The following KAZN variants were observed in gnomAD, a reference collection of about 807,000 sequenced individuals.
KAZN encodes kazrin, periplakin interacting protein.
In KAZN, 40 loss-of-function variants were observed where a neutral mutation model predicts 87.4. The observed-to-expected ratio is 0.46, with a 90% CI of 0.36 to 0.60. The LOEUF (loss-of-function observed/expected upper bound fraction) is 0.60, where lower values mean the gene tolerates loss of function less well. KAZN is among the 20% of genes least tolerant of loss of function. The pLI, the probability that KAZN is intolerant of heterozygous loss-of-function variation, is 0.00. For missense variants in KAZN, 898 were observed against 1,073.9 expected, an observed-to-expected ratio of 0.84 and a Z score of 2.29; for synonymous variants, 466 against 458.3, an observed-to-expected ratio of 1.02 and a Z score of -0.22.
At chr1:15,024,063 G>C (rs1670945342) in intron 2 of KAZN, among the ~76,000 whole-genome samples, 1 of 152,052 alleles carries the variant, frequency 6.6e-6, no homozygotes, top group Non-Finnish European at 1.5e-5. Flanking sequence ...GCTTTTAGAG[G>C]TTCAAGCAGA....
rs1033949300 is a variant in KAZN at position 14,732,974 on chromosome 1, A to G, written c.226+133751A>G. Among the ~76,000 whole-genome samples the G allele has an allele frequency of 3.9e-5, 6 of 152,136 alleles. 1 individual carries two copies. Among genetic ancestry groups the G allele is most frequent in the South Asian group, 2.1e-4 (1 of 4,824 alleles). ...GAAGCACATCTTCCCTCCTTCCCCT[A>G]TGTTCACGGAGCAAGCAGAAGAGTT... On this transcript the variant is annotated intron_variant, in intron 1 of 14. Coordinates refer to ENST00000376030, the MANE Select transcript of KAZN (RefSeq NM_201628.3).
intron 2 of KAZN, among the ~76,000 whole-genome samples, chr1:14,385,008 T>A (rs1002990844): frequency 1.3e-5 from 2 of 151,382 alleles, no homozygotes; most frequent in Non-Finnish European, 2.9e-5. Context: ...GTTATTGGTC[T>A]ATTCAGAGAT....
intron 2 of KAZN, among the ~76,000 whole-genome samples, chr1:14,472,873 A>G (rs1268532517): frequency 1.3e-5 from 2 of 152,148 alleles, no homozygotes; most frequent in Non-Finnish European, 2.9e-5. Flanking sequence ...AAGAGATACA[A>G]AGTCGATTAG....
intron 2 of KAZN, among the ~76,000 whole-genome samples, chr1:14,278,951 G>T (rs1390678166): frequency 4.2e-5 from 1 of 23,530 alleles, no homozygotes; most frequent in Non-Finnish European, 6.9e-5. Context: ...TTTTTTTTTG[G>T]CAGGCAAGAC....
chr1:14,718,136 A>G (rs1642899483), intron 1 of KAZN, among the ~76,000 whole-genome samples: 1 of 152,226 alleles, frequency 6.6e-6, no homozygotes, highest in African/African-American at 2.4e-5. Flanking sequence ...ATTCCTGTCC[A>G]GTCGCATTTT....
At chr1:13,913,948 G>C (rs1343700051) in intron 1 of KAZN, among the ~76,000 whole-genome samples, 1 of 152,222 alleles carries the variant, frequency 6.6e-6, no homozygotes, top group African/African-American at 2.4e-5. Context: ...CTGGGAACTT[G>C]TTAGAAAGGC....
At chr1:13,942,884 C>T (rs1640992714) in intron 1 of KAZN, among the ~76,000 whole-genome samples, 1 of 152,044 alleles carries the variant, frequency 6.6e-6, no homozygotes, top group Non-Finnish European at 1.5e-5. Context: ...ACAGATTAGA[C>T]ACAACAGCAA....
chr1:15,010,630 G>A lies in KAZN; in HGVS notation c.419-24119G>A, dbSNP rs191856566. On this transcript the variant is annotated intron_variant, in intron 2 of 14. Transcript: ENST00000376030. ...GATGGTCTCAATCGCCTGACCTCGT[G>A]ATCACCCACCTTGGCCTCCCAAAGT... 3.5e-3 allele frequency among the ~76,000 whole-genome samples: 537 copies of A among 152,196 alleles called. 1 individual carries two copies. The highest frequency in any genetic ancestry group is 0.012 in the African/African-American group (516 of 41,516).
At chr1:14,655,467 C>T (rs149003629) in intron 1 of KAZN, among the ~76,000 whole-genome samples, 7 of 152,234 alleles carry the variant, frequency 4.6e-5, no homozygotes, top group Admixed American at 3.9e-4. Flanking sequence ...GGTGGGTCTC[C>T]GGGTCATTAC....
intron 2 of KAZN, among the ~76,000 whole-genome samples, chr1:14,436,916 C>T (rs1196051103): frequency 6.6e-6 from 1 of 152,158 alleles, no homozygotes; most frequent in African/African-American, 2.4e-5. Flanking sequence ...ACTTTGCATG[C>T]ACCTCTCCAG....
At chr1:14,537,665 T>G (rs1364030461) in intron 2 of KAZN, among the ~76,000 whole-genome samples, 5 of 152,198 alleles carry the variant, frequency 3.3e-5, no homozygotes, top group Admixed American at 2.6e-4. Flanking sequence ...CTCGCCAGGT[T>G]GGTGGGAAGA....
At chr1:14,586,769 G>T (rs1675877798) in intron 2 of KAZN, among the ~76,000 whole-genome samples, 1 of 151,924 alleles carries the variant, frequency 6.6e-6, no homozygotes, top group Non-Finnish European at 1.5e-5. Flanking sequence ...CAAACTCTCG[G>T]GCTCAAGTGA....
intron 1 of KAZN, among the ~76,000 whole-genome samples, chr1:13,995,220 A>G (rs1449506480): frequency 1.6e-5 from 1 of 63,332 alleles, no homozygotes; most frequent in Admixed American, 1.3e-4. Flanking sequence ...GCAATAAGGC[A>G]AAAAAAAAAA....
intron 1 of KAZN, among the ~76,000 whole-genome samples, chr1:14,685,329 G>T (rs745351293): frequency 6.6e-6 from 1 of 152,206 alleles, no homozygotes; most frequent in African/African-American, 2.4e-5. Flanking sequence ...CCCATCAGTC[G>T]TTGGTATGGG....
In KAZN at chr1:13,987,413, C is replaced by A. The variant is rs191059091; in HGVS notation, c.91+93657C>A. Among the ~76,000 whole-genome samples the A allele has an allele frequency of 6.0e-4, 92 of 152,322 alleles. 1 individual carries two copies. The highest frequency in any genetic ancestry group is 2.1e-3 in the African/African-American group (89 of 41,564). Reference sequence around the variant, plus strand: ...TTCAACTCCTACTTATGAGTGACAACATGTGGTGTTTGGTTTTCTGTTCTG... The same window carrying A: ...TTCAACTCCTACTTATGAGTGACAAAATGTGGTGTTTGGTTTTCTGTTCTG... On this transcript the variant is annotated intron_variant, in intron 1 of 16. Transcript: ENST00000636203.
At chr1:14,550,740 C>CCT (rs1557793842) in intron 2 of KAZN, among the ~76,000 whole-genome samples, 5 of 40,560 alleles carry the variant, frequency 1.2e-4, no homozygotes, top group Non-Finnish European at 1.8e-4. Flanking sequence ...TCTCTCTCTC[C>CCT]CCCACCCCGC....
chr1:14,929,751 T>G (rs576335730), intron 1 of KAZN: 6 of 985,184 alleles, frequency 6.1e-6, no homozygotes, highest in Non-Finnish European at 7.2e-6. Context: ...ATGGATTTAC[T>G]CTCCGTGAGT....
intron 1 of KAZN, among the ~76,000 whole-genome samples, chr1:14,951,944 G>A (rs920296900): frequency 2.0e-5 from 3 of 152,194 alleles, no homozygotes; most frequent in Non-Finnish European, 2.9e-5. Flanking sequence ...AGGTGCTGCT[G>A]GACCAGTGCA....
At chr1:14,395,470 C>T (rs373478570) in intron 2 of KAZN, among the ~76,000 whole-genome samples, 1 of 152,114 alleles carries the variant, frequency 6.6e-6, no homozygotes, top group Non-Finnish European at 1.5e-5. Context: ...AGAAGGTAGA[C>T]GTGGACCAGT....
Sources: gnomAD v4.1 joint callset for allele counts (sites outside exome capture counted in the v4.1 genomes callset) on GRCh38, gnomAD v4.1.1 for gene constraint, MANE v1.5 for transcripts, NCBI Gene and HGNC (gene_info 2026-07-23, HGNC 2026-07-21) for gene names.